SMAD3: variants seen among roughly 807,000 people sequenced by gnomAD.
The protein encoded by SMAD3 is SMAD family member 3.
In SMAD3, 12 loss-of-function variants were observed where a neutral mutation model predicts 51.8. The ratio of observed to expected loss-of-function variants is 0.23; its 90% CI spans 0.15 to 0.38. SMAD3 has a LOEUF of 0.38. Among genes scored for constraint, SMAD3 ranks in the 10% least tolerant of loss-of-function variants. The probability of loss-of-function intolerance (pLI) is 1.00; values close to 1 mark genes in which losing one functional copy is unlikely to be tolerated. For synonymous variants in SMAD3, 238 were observed against 227.7 expected, an observed-to-expected ratio of 1.05 and a Z score of -0.41; for missense variants, 294 against 565.6, an observed-to-expected ratio of 0.52 and a Z score of 4.87.
intron 8 of SMAD3, among the ~76,000 whole-genome samples, chr15:67,189,689 G>A (rs925915777): frequency 5.3e-5 from 8 of 152,196 alleles, no homozygotes; most frequent in African/African-American, 9.6e-5. Context: ...TGGCACCAGC[G>A]ACTCCAGCCT....
chr15:67,139,309 A>G (rs971534763), intron 1 of SMAD3, among the ~76,000 whole-genome samples: 1 of 152,154 alleles, frequency 6.6e-6, no homozygotes, highest in Non-Finnish European at 1.5e-5. Flanking sequence ...AGGTTTTCCT[A>G]TAAAATGTCA....
At chr15:67,089,360 G>C (rs544610697) in intron 1 of SMAD3, among the ~76,000 whole-genome samples, 1 of 152,150 alleles carries the variant, frequency 6.6e-6, no homozygotes, top group Non-Finnish European at 1.5e-5. Context: ...TCAGCCTCCC[G>C]GTGGGGTGAT....
intron 1 of SMAD3, among the ~76,000 whole-genome samples, chr15:67,145,068 A>G (rs1055175781): frequency 4.6e-5 from 7 of 152,132 alleles, no homozygotes. Context: ...GGAGTTGGAA[A>G]TGTACCCTCT....
chr15:67,159,895 G>A (rs767527281), intron 1 of SMAD3, among the ~76,000 whole-genome samples: 3 of 152,188 alleles, frequency 2.0e-5, no homozygotes, highest in Non-Finnish European at 4.4e-5. Flanking sequence ...TTCTTTGTAT[G>A]GATATGTTAT....
Position 67,189,766 on chromosome 15 carries a change from C to G in SMAD3, c.1155-647C>G, listed in dbSNP as rs147810626. Among the ~76,000 whole-genome samples the G allele has an allele frequency of 6.4e-4, 98 of 152,244 alleles. 1 individual carries two copies. The highest frequency in any genetic ancestry group is 4.2e-3 in the Admixed American group (65 of 15,298). ...CCTGCAAGCTGCGTCATCAACCAGC[C>G]TGAATTTAGACAAAGTGCTTTGGGG... is the stretch of plus-strand genomic sequence containing the variant. On this transcript the variant is annotated intron_variant, in intron 8 of 8. Transcript: ENST00000327367.
chr15:67,178,338 G>A (rs889244665), intron 5 of SMAD3, among the ~76,000 whole-genome samples: 3 of 152,168 alleles, frequency 2.0e-5, no homozygotes, highest in African/African-American at 7.2e-5. Flanking sequence ...TTTCTCTTCT[G>A]CCTGGACTAA....
chr15:67,168,016 C>T (rs750815088), intron 4 of SMAD3, among the ~76,000 whole-genome samples: 4 of 152,212 alleles, frequency 2.6e-5, no homozygotes, highest in Admixed American at 6.5e-5. Flanking sequence ...TGTAGTAGCG[C>T]GATCTCAGCT....
intron 1 of SMAD3, among the ~76,000 whole-genome samples, chr15:67,112,139 C>CT (rs920801642): frequency 0.015 from 1,174 of 79,692 alleles, 6 homozygotes; most frequent in African/African-American, 0.02. Flanking sequence ...TTAGCCATTT[C>CT]TTTTTTTTTC....
At chr15:67,123,301 G>C (rs1961311096) in intron 1 of SMAD3, among the ~76,000 whole-genome samples, 1 of 151,806 alleles carries the variant, frequency 6.6e-6, no homozygotes, top group African/African-American at 2.4e-5. Flanking sequence ...TTTGAGACCA[G>C]CCTAGCTAAA....
intron 1 of SMAD3, among the ~76,000 whole-genome samples, chr15:67,098,376 A>AAGCC (rs10665293): frequency 0.35 from 52,202 of 149,790 alleles, 10,182 homozygotes; most frequent in East Asian, 0.66. Flanking sequence ...GCAAGCAAGC[A>AAGCC]AGCCAGCAGG....
At chr15:67,128,934 G>A (rs1461002717) in intron 1 of SMAD3, among the ~76,000 whole-genome samples, 1 of 152,188 alleles carries the variant, frequency 6.6e-6, no homozygotes, top group Non-Finnish European at 1.5e-5. Flanking sequence ...TGTGCACCTT[G>A]AGCACAGAGT....
intron 1 of SMAD3, among the ~76,000 whole-genome samples, chr15:67,082,387 A>G (rs913861068): frequency 6.6e-6 from 1 of 152,202 alleles, no homozygotes; most frequent in African/African-American, 2.4e-5. Context: ...TCCTGTTGAC[A>G]AAATGATAAC....
intron 1 of SMAD3, among the ~76,000 whole-genome samples, chr15:67,087,745 G>A (rs879373044): frequency 2.0e-5 from 3 of 152,164 alleles, no homozygotes; most frequent in African/African-American, 7.2e-5. Context: ...AAGGTGGTGG[G>A]GGAGGTGGCA....
chr15:67,152,261 G>A lies in SMAD3; in HGVS notation c.207-12634G>A, dbSNP rs138866598. Among the ~76,000 whole-genome samples the A allele has an allele frequency of 6.8e-3, 1,040 of 152,252 alleles. 11 individuals carry two copies. Among genetic ancestry groups the A allele is most frequent in the Middle Eastern group, 0.037 (11 of 294 alleles). On this transcript the variant is annotated intron_variant, in intron 1 of 8. Coordinates refer to ENST00000327367, the MANE Select transcript of SMAD3 (RefSeq NM_005902.4). Reference sequence around the variant, plus strand: ...TTGTTTCCACCAAATGGAACATCATGTTGTCGTAGAATGAAGGAATCCTTT... The same window carrying A: ...TTGTTTCCACCAAATGGAACATCATATTGTCGTAGAATGAAGGAATCCTTT...
At chr15:67,170,238 T>C (rs1962709980) in intron 4 of SMAD3, among the ~76,000 whole-genome samples, 1 of 152,220 alleles carries the variant, frequency 6.6e-6, no homozygotes, top group African/African-American at 2.4e-5. Flanking sequence ...GTGTCACTTA[T>C]TCTAGTTGAG....
In SMAD3 at chr15:67,138,216, G is replaced by T. The variant is rs1002261275; in HGVS notation, c.207-26679G>T. The T allele has an allele frequency of 7.5e-6, 6 of 799,494 alleles. No individual in the cohort carries two copies. In the African/African-American group the frequency reaches 1.0e-4, roughly 14 times the overall value. 49.5% of individuals were successfully genotyped at this position (799,494 alleles called of 1,614,324 possible). ...GTTTCTCCGGGCTTCTCTTTCTCTGGGTGGGGATGTGGACTCTTAGGATGT... is the reference window on the plus strand; with the variant it reads ...GTTTCTCCGGGCTTCTCTTTCTCTGTGTGGGGATGTGGACTCTTAGGATGT... On this transcript the variant is annotated intron_variant, in intron 1 of 8. Coordinates refer to ENST00000327367, the MANE Select transcript of SMAD3 (RefSeq NM_005902.4).
chr15:67,149,343 G>A (rs1388606791), intron 1 of SMAD3, among the ~76,000 whole-genome samples: 1 of 152,156 alleles, frequency 6.6e-6, no homozygotes, highest in Admixed American at 6.5e-5. Context: ...CAGGTGCTCT[G>A]AATCTCAGCT....
rs56675753 is a variant in SMAD3, at chr15:67,084,070, C to CTTT, written c.206+17731_206+17733dup. 2.4e-3 allele frequency among the ~76,000 whole-genome samples: 203 copies of CTTT among 85,050 alleles called. 7 individuals are homozygous for CTTT. Among genetic ancestry groups the CTTT allele is most frequent in the African/African-American group, 4.3e-3 (103 of 23,768 alleles). 55.8% of individuals were successfully genotyped at this position (85,050 alleles called of 152,430 possible). A position where few individuals can be genotyped will look rare whatever the true frequency, so the allele number is the denominator to read the frequency against. On this transcript the variant is annotated intron_variant, in intron 1 of 8. Coordinates refer to ENST00000327367, the MANE Select transcript of SMAD3 (RefSeq NM_005902.4). ...CCGTTCTCAGATTTTCTTTTTTTTT[C>CTTT]TTTTTTTTTTTTTTTTTTTTTTTGA...
intron 3 of SMAD3, 78 bp from the exon 4 acceptor site, chr15:67,166,701 T>C (rs2140296676): frequency 1.1e-6 from 1 of 890,684 alleles, no homozygotes; most frequent in African/African-American, 1.7e-5. Context: ...GGTGTGCATG[T>C]GTGATGTCTT....
Sources: allele counts gnomAD v4.1 joint callset (sites outside exome capture counted in the v4.1 genomes callset), GRCh38; gene constraint gnomAD v4.1.1; transcripts MANE v1.5; gene names NCBI Gene and HGNC (gene_info 2026-07-23, HGNC 2026-07-21).